Variants in SEC13 observed in about 807,000 individuals in gnomAD.
SEC13 encodes protein SEC13 homolog.
SEC13 carries 25 observed loss-of-function variants against 49.2 expected under a neutral mutation model. The ratio of observed to expected loss-of-function variants is 0.51; its 90% CI spans 0.37 to 0.71. The LOEUF (loss-of-function observed/expected upper bound fraction) is 0.71. Ranked by LOEUF, SEC13 falls within the 30% of genes least tolerant of loss-of-function variation. The pLI, the probability that SEC13 is intolerant of heterozygous loss-of-function variation, is 0.00. For synonymous variants in SEC13, 148 were observed against 163.9 expected, an observed-to-expected ratio of 0.90 and a Z score of 0.74; for missense variants, 383 against 417.6, an observed-to-expected ratio of 0.92 and a Z score of 0.72.
intron 5 of SEC13, among the ~76,000 whole-genome samples, chr3:10,309,174 G>C (rs1163403790): frequency 1.3e-5 from 2 of 151,698 alleles, no homozygotes; most frequent in Non-Finnish European, 2.9e-5. Flanking sequence ...CTGACTTCAG[G>C]TGATCCGCCC....
chr3:10,320,484 AC>A lies in SEC13; in HGVS notation c.3+565del, dbSNP rs890936067. The A allele has an allele frequency of 3.0e-6, 3 of 984,050 alleles. No individual in the cohort carries two copies. In the African/African-American group the frequency reaches 5.2e-5, roughly 17 times the overall value. 61.0% of individuals were successfully genotyped at this position (984,050 alleles called of 1,614,324 possible). On this transcript the variant is annotated intron_variant, in intron 1 of 8. Coordinates refer to ENST00000350697, the MANE Select transcript of SEC13 (RefSeq NM_183352.3). Reference sequence around the variant, plus strand: ...TCGGAGGGTCGTTCAGGCCATCTTTACGTTTCCCGAGGTGCCCATCCTACCT... The same window carrying A: ...TCGGAGGGTCGTTCAGGCCATCTTTAGTTTCCCGAGGTGCCCATCCTACCT...
Position 10,305,143 on chromosome 3 carries a change from C to G in SEC13, c.598G>C (p.Gly200Arg), listed in dbSNP as rs780679710. ...LIKLWKEEED[G>R]QWKEEQKLEA... is the part of the protein sequence containing the mutation. ...AGCTTCTGCTCCTCCTTCCACTGGCCGTCCTCCTCCTCCCTAACAGTGGGG... is the reference window on the plus strand; with the variant it reads ...AGCTTCTGCTCCTCCTTCCACTGGCGGTCCTCCTCCTCCCTAACAGTGGGG... The change falls in exon 7 of 9, where the codon GGC (glycine) becomes CGC (arginine). Residue 200 changes from glycine (G) to arginine (R), a missense_variant. Physicochemically the swap from Gly to Arg is moderately radical, Grantham distance 125 (BLOSUM62 -2). Transcript: ENST00000350697. 6.8e-6 allele frequency: 11 copies of G among 1,612,512 alleles called. No homozygotes were observed. Among genetic ancestry groups the G allele is most frequent in the Non-Finnish European group, 9.3e-6 (11 of 1,179,146 alleles).
Position 10,315,334 on chromosome 3 carries a change from C to T in SEC13, c.151G>A (p.Ala51Thr), listed in dbSNP as rs140857524. 151 of 1,613,152 alleles carry T rather than the reference C, an allele frequency of 9.4e-5. No homozygotes were observed. In the African/African-American group the frequency reaches 1.3e-3, roughly 14 times the overall value. The change falls in exon 3 of 9, where the codon GCC becomes ACC. Residue 51 changes from alanine to threonine, a missense_variant. Ala to Thr is a moderately conservative substitution (Grantham distance 58). Coordinates refer to ENST00000350697, the MANE Select transcript of SEC13 (RefSeq NM_183352.3). ...GCCAGCACTTACCCCCTGAGGTCGG[C>T]GATAAGGATCTGCCCTCCATTGCGC... is the stretch of plus-strand genomic sequence containing the variant. ...DVRNGGQILI[A>T]DLRGHEGPVW...
intron 1 of SEC13, among the ~76,000 whole-genome samples, chr3:10,318,587 T>C (rs1260072164): frequency 6.6e-6 from 1 of 152,084 alleles, no homozygotes; most frequent in Non-Finnish European, 1.5e-5. Context: ...TGGTGTTCCT[T>C]TCCTGGATGA....
At chr3:10,305,384 A>G in intron 6 of SEC13, 175 bp downstream of exon 6, 1 of 1,030,054 alleles carries the variant, frequency 9.7e-7, no homozygotes, top group Non-Finnish European at 1.4e-6. Context: ...GAATTAGGTG[A>G]ACAGGTGTTG....
intron 1 of SEC13, 96 bp from the exon 2 acceptor site, chr3:10,318,190 C>A: frequency 1.3e-6 from 1 of 798,964 alleles, no homozygotes; most frequent in South Asian, 1.5e-5. Context: ...CTCACTCATT[C>A]ATTCATTCAT....
In SEC13 at chr3:10,305,708, A is replaced by C; in HGVS notation, c.451-16T>G. 1 of 1,614,006 alleles carries C rather than the reference A, an allele frequency of 6.2e-7. No individual in the cohort carries two copies. Among genetic ancestry groups the C allele is most frequent in the Non-Finnish European group, 8.5e-7 (1 of 1,179,848 alleles). Reference sequence around the variant, plus strand: ...TGCAGCCAATCTGTAAAGATGGGACACATGGTGACTCTGCCTTGCAAGAGA... The same window carrying C: ...TGCAGCCAATCTGTAAAGATGGGACCCATGGTGACTCTGCCTTGCAAGAGA... On this transcript the variant is annotated splice_polypyrimidine_tract_variant and intron_variant, in intron 5 of 8. Transcript: ENST00000350697.
At chr3:10,319,329 G>A (rs2059722909) in intron 1 of SEC13, 1 of 1,559,564 alleles carries the variant, frequency 6.4e-7, no homozygotes, top group South Asian at 1.2e-5. Context: ...GCAAAGGCAA[G>A]TAAGGACAAT....
Position 10,318,029 on chromosome 3 carries a change from G to A in SEC13, c.48+21C>T, listed in dbSNP as rs201385952. On this transcript the variant is annotated intron_variant, in intron 2 of 8. Coordinates refer to ENST00000350697, the MANE Select transcript of SEC13 (RefSeq NM_183352.3). ...ATGCCCATGTCCACACCCCTCCAGG[G>A]AGGGTGATATTAATACTTACAATCA... The A allele has an allele frequency of 7.8e-4, 1,220 of 1,572,186 alleles. 4 individuals carry two copies. The highest frequency in any genetic ancestry group is 9.8e-4 in the Non-Finnish European group (1,118 of 1,143,056).
chr3:10,317,821 G>A (rs903214589), intron 2 of SEC13, among the ~76,000 whole-genome samples: 1 of 152,096 alleles, frequency 6.6e-6, no homozygotes, highest in African/African-American at 2.4e-5. Context: ...ATTATTCCCA[G>A]GTTCCTCCCA....
chr3:10,301,591 T>C (rs1422852674), intron 8 of SEC13, among the ~76,000 whole-genome samples: 3 of 152,336 alleles, frequency 2.0e-5, no homozygotes, highest in South Asian at 2.1e-4. Flanking sequence ...TGGATGATGA[T>C]GTCAACACAG....
intron 8 of SEC13, among the ~76,000 whole-genome samples, chr3:10,302,660 T>C (rs1482780618): frequency 6.6e-6 from 1 of 152,166 alleles, no homozygotes. Context: ...GCTAGATCTT[T>C]CTGGGACCAC....
chr3:10,319,481 G>C (rs560965747), intron 1 of SEC13, among the ~76,000 whole-genome samples: 30 of 152,188 alleles, frequency 2.0e-4, no homozygotes, highest in African/African-American at 6.5e-4. Context: ...GAAAGCACTT[G>C]CCAAAGTCAC....
intron 4 of SEC13, among the ~76,000 whole-genome samples, chr3:10,312,350 C>T (rs1298902715): frequency 6.6e-6 from 1 of 152,200 alleles, no homozygotes; most frequent in Non-Finnish European, 1.5e-5. Flanking sequence ...GTAGTCCTTG[C>T]AATGAATAAT....
At chr3:10,313,616 T>C (rs1701423525) in intron 3 of SEC13, 1 of 245,530 alleles carries the variant, frequency 4.1e-6, no homozygotes, top group Non-Finnish European at 9.1e-6. Flanking sequence ...AACAGGACAT[T>C]CCCAGTCCCT....
At chr3:10,305,812 T>A in intron 5 of SEC13, 120 bp from the exon 6 acceptor site, 1 of 1,064,894 alleles carries the variant, frequency 9.4e-7, no homozygotes, top group South Asian at 1.5e-5. Context: ...AAGGCTGACA[T>A]GAAGCACTCA....
At position 10,312,489 on chromosome 3, in the gene SEC13, C is replaced by A. The variant is rs923698976; in HGVS notation, c.316+90G>T. 5 of 1,480,560 alleles carry A rather than the reference C, an allele frequency of 3.4e-6. No homozygotes were observed. In the African/African-American group the frequency reaches 7.0e-5, roughly 21 times the overall value. The allele number at this position is 1,480,560 out of a possible 1,614,324, so 91.7% of individuals were successfully genotyped here. ...CTCAAGAGACAGACAAGAGGCACCA[C>A]GAGGGGCAGGGAGCCAGGGCTCCAG... On this transcript the variant is annotated intron_variant, in intron 4 of 8. Coordinates refer to ENST00000350697, the MANE Select transcript of SEC13 (RefSeq NM_183352.3).
intron 5 of SEC13, among the ~76,000 whole-genome samples, chr3:10,310,532 TACC>T (rs1701189019): frequency 6.6e-6 from 1 of 152,044 alleles, no homozygotes; most frequent in African/African-American, 2.4e-5. Context: ...CACAATAAGA[TACC>T]ACCTCACATT....
At position 10,318,035 on chromosome 3, in the gene SEC13, G is replaced by A; in HGVS notation, c.48+15C>T. 1.3e-6 allele frequency: 2 copies of A among 1,585,080 alleles called. No individual in the cohort carries two copies. Among genetic ancestry groups the A allele is most frequent in the Non-Finnish European group, 1.7e-6 (2 of 1,154,756 alleles). On this transcript the variant is annotated intron_variant, in intron 2 of 8. Transcript: ENST00000350697. The stretch of plus-strand genomic sequence containing the variant: ...ATGTCCACACCCCTCCAGGGAGGGT[G>A]ATATTAATACTTACAATCATGTCCT...
Sources: gnomAD v4.1 joint callset for allele counts (sites outside exome capture counted in the v4.1 genomes callset) on GRCh38, gnomAD v4.1.1 for gene constraint, MANE v1.5 for transcripts, NCBI Gene and HGNC (gene_info 2026-07-23, HGNC 2026-07-21) for gene names.